Variants in SLC7A1 observed in about 807,000 individuals in gnomAD.
The protein encoded by SLC7A1 is solute carrier family 7 member 1.
In SLC7A1, 10 loss-of-function variants were observed where a neutral mutation model predicts 53.9. The ratio of observed to expected loss-of-function variants is 0.19; its 90% CI spans 0.11 to 0.31. The LOEUF (loss-of-function observed/expected upper bound fraction) is 0.31, where lower values mean the gene tolerates loss of function less well. SLC7A1 is among the 10% of genes least tolerant of loss of function. SLC7A1 has a pLI of 1.00. For synonymous variants in SLC7A1, 342 were observed against 338.7 expected (o/e 1.01, Z -0.11); for missense variants, 525 against 827.2 (o/e 0.63, Z 4.48).
At position 29,535,876 on chromosome 13, in the gene SLC7A1, C is replaced by T. The variant is rs758124150; in HGVS notation, c.313G>A (p.Val105Ile). 4 of 1,614,176 alleles carry T rather than the reference C, an allele frequency of 2.5e-6. No homozygotes were observed. The highest frequency in any genetic ancestry group is 1.1e-5 in the South Asian group (1 of 91,084). Reference protein sequence around the residue: ...GSAYLYSYVTVGELWAFITGW... With the variant: ...GSAYLYSYVTIGELWAFITGW... ...GTGATGAAGGCCCAGAGCTCTCCAA[C>T]GGTGACATAGCTGTAGAGGTAAGCT... Residue 105 changes from valine to isoleucine, a missense_variant, in exon 3 of 13, where the codon GTT becomes ATT. This residue lies in a region of SLC7A1 where 354 missense variants were observed against 587.5 expected (regional missense o/e 0.60). Coordinates refer to ENST00000380752, the MANE Select transcript of SLC7A1 (RefSeq NM_003045.5).
intron 1 of SLC7A1, among the ~76,000 whole-genome samples, chr13:29,583,559 ACC>A (rs1267861895): frequency 6.6e-6 from 1 of 152,092 alleles, no homozygotes; most frequent in Non-Finnish European, 1.5e-5. Context: ...TCCACACAGG[ACC>A]ACTCATGGGC....
At position 29,536,066 on chromosome 13, in the gene SLC7A1, C is replaced by G; in HGVS notation, c.123G>C (p.Gly41=). The G allele has an allele frequency of 1.2e-6, 2 of 1,614,034 alleles. No individual in the cohort carries two copies. Among genetic ancestry groups the G allele is most frequent in the Non-Finnish European group, 1.7e-6 (2 of 1,180,044 alleles). ...CLNTFDLVAL[G]VGSTLGAGVY... is the part of the protein sequence containing the mutation. ...CACCAGCACCCAGTGTGCTGCCCAC[C>G]CCGAGGGCCACCAGATCAAAAGTGT... is the stretch of plus-strand genomic sequence containing the variant. The change falls in exon 3 of 13, where the codon GGG becomes GGC. Residue 41 remains glycine, a synonymous_variant. Transcript: ENST00000380752.
At chr13:29,528,839 G>T (rs1869018440) in intron 5 of SLC7A1, among the ~76,000 whole-genome samples, 1 of 152,182 alleles carries the variant, frequency 6.6e-6, no homozygotes, top group Admixed American at 6.5e-5. Context: ...TTGTCTGGGG[G>T]CCGGTACAGC....
intron 6 of SLC7A1, among the ~76,000 whole-genome samples, chr13:29,523,862 G>A (rs183697647): frequency 6.6e-6 from 1 of 152,216 alleles, no homozygotes. Flanking sequence ...GCTCAGATAT[G>A]AAATCAGGCC....
chr13:29,592,106 G>T lies in SLC7A1; in HGVS notation c.-115+3310C>A, dbSNP rs559324365. On this transcript the variant is annotated intron_variant, in intron 1 of 12. Coordinates refer to ENST00000380752, the MANE Select transcript of SLC7A1 (RefSeq NM_003045.5). ...CAGGAGCGGTGCTGTTCCCAGTATTGGTCCCAACTCCCCTCAAAGAAGCAT... is the reference window on the plus strand; with the variant it reads ...CAGGAGCGGTGCTGTTCCCAGTATTTGTCCCAACTCCCCTCAAAGAAGCAT... Among the ~76,000 whole-genome samples the T allele has an allele frequency of 1.4e-3, 220 of 152,132 alleles. 1 individual carries two copies. Among genetic ancestry groups the T allele is most frequent in the Non-Finnish European group, 2.2e-3 (148 of 68,024 alleles).
intron 1 of SLC7A1, among the ~76,000 whole-genome samples, chr13:29,574,790 G>A (rs1032780823): frequency 3.3e-5 from 5 of 151,864 alleles, no homozygotes; most frequent in African/African-American, 1.2e-4. Context: ...GACTACAGGT[G>A]CGCGCCACCA....
intron 2 of SLC7A1, among the ~76,000 whole-genome samples, chr13:29,541,763 C>T (rs746767476): frequency 3.0e-4 from 45 of 151,306 alleles, no homozygotes; most frequent in Non-Finnish European, 4.9e-4. Flanking sequence ...AAACCCTTCC[C>T]GTCCAAGAGT....
intron 5 of SLC7A1, among the ~76,000 whole-genome samples, chr13:29,528,111 G>A (rs538467645): frequency 1.3e-5 from 2 of 152,240 alleles, no homozygotes; most frequent in Non-Finnish European, 2.9e-5. Context: ...TTCAGCCCTG[G>A]GGCGCCTGGC....
chr13:29,570,249 G>A (rs1413881416), intron 1 of SLC7A1, among the ~76,000 whole-genome samples: 2 of 152,180 alleles, frequency 1.3e-5, no homozygotes, highest in Admixed American at 6.5e-5. Context: ...GGCCTGCCAC[G>A]TGCCTGGGTA....
At chr13:29,585,611 G>A (rs536686971) in intron 1 of SLC7A1, among the ~76,000 whole-genome samples, 59 of 152,100 alleles carry the variant, frequency 3.9e-4, no homozygotes, top group Non-Finnish European at 7.8e-4. Context: ...CAGTGTGTGC[G>A]GGTAACCAGT....
intron 1 of SLC7A1, among the ~76,000 whole-genome samples, chr13:29,580,174 A>C (rs968351486): frequency 6.6e-6 from 1 of 152,186 alleles, no homozygotes; most frequent in African/African-American, 2.4e-5. Context: ...ACATGAGTCC[A>C]TGGCTGAGCC....
chr13:29,580,624 T>C (rs1280817908), intron 1 of SLC7A1, among the ~76,000 whole-genome samples: 3 of 152,148 alleles, frequency 2.0e-5, no homozygotes, highest in African/African-American at 4.8e-5. Flanking sequence ...TGATTTTCCC[T>C]CTCCAGCAAG....
chr13:29,562,862 A>C (rs992141166), intron 1 of SLC7A1, among the ~76,000 whole-genome samples: 1 of 152,236 alleles, frequency 6.6e-6, no homozygotes, highest in Non-Finnish European at 1.5e-5. Context: ...TAAGATATTT[A>C]TCCTACCTCC....
chr13:29,587,835 C>CTGG (rs1566279376), intron 1 of SLC7A1, among the ~76,000 whole-genome samples: 2 of 151,938 alleles, frequency 1.3e-5, no homozygotes, highest in Non-Finnish European at 2.9e-5. Context: ...CGGCTCCTCC[C>CTGG]ACAGCCCCAG....
chr13:29,539,841 A>T (rs1461664786), intron 2 of SLC7A1, among the ~76,000 whole-genome samples: 1 of 152,228 alleles, frequency 6.6e-6, no homozygotes, highest in Non-Finnish European at 1.5e-5. Context: ...AGATGCAGCC[A>T]ACTGCTGCTG....
chr13:29,589,223 T>C (rs1324468673), intron 1 of SLC7A1, among the ~76,000 whole-genome samples: 3 of 152,248 alleles, frequency 2.0e-5, no homozygotes, highest in African/African-American at 7.2e-5. Context: ...CAGCGGCCAC[T>C]GGCCTTAAGA....
chr13:29,559,795 A>C (rs1320239053), intron 1 of SLC7A1, among the ~76,000 whole-genome samples: 1 of 151,030 alleles, frequency 6.6e-6, no homozygotes, highest in Non-Finnish European at 1.5e-5. Flanking sequence ...GGCTCACTGC[A>C]AGCTCCGCCT....
intron 2 of SLC7A1, among the ~76,000 whole-genome samples, chr13:29,552,222 T>TAC (rs34563180): frequency 0.042 from 6,193 of 146,422 alleles, 213 homozygotes; most frequent in East Asian, 0.1. Flanking sequence ...TGAGGGTCAT[T>TAC]ACACACACAC....
At chr13:29,520,771 A>G (rs2139075034) in intron 8 of SLC7A1, among the ~76,000 whole-genome samples, 1 of 152,354 alleles carries the variant, frequency 6.6e-6, no homozygotes, top group East Asian at 1.9e-4. Flanking sequence ...AAAACACAAA[A>G]TTAAAGAGCA....
Sources: allele counts gnomAD v4.1 joint callset (sites outside exome capture counted in the v4.1 genomes callset), GRCh38; gene constraint gnomAD v4.1.1; regional missense constraint gnomAD v4.1.1; transcripts MANE v1.5; gene names NCBI Gene and HGNC (gene_info 2026-07-23, HGNC 2026-07-21).